Variants in STK4 observed in about 807,000 individuals in gnomAD.
The protein encoded by STK4 is serine/threonine kinase 4.
In STK4, 30 loss-of-function variants were observed where a neutral mutation model predicts 64.9. The ratio of observed to expected loss-of-function variants is 0.46; its 90% confidence interval spans 0.35 to 0.63. STK4 has a LOEUF of 0.63. Among genes scored for constraint, STK4 ranks in the 20% least tolerant of loss-of-function variants. The pLI is 0.01. For missense variants in STK4, 466 were observed against 598.5 expected, an observed-to-expected ratio of 0.78 and a Z score of 2.31; for synonymous variants, 177 against 199.0, an observed-to-expected ratio of 0.89 and a Z score of 0.93.
At chr20:44,987,998 A>G (rs747231319) in intron 5 of STK4, among the ~76,000 whole-genome samples, 1 of 151,564 alleles carries the variant, frequency 6.6e-6, no homozygotes. Flanking sequence ...TTTTATTATA[A>G]GTCTGCCTGG....
intron 10 of STK4, among the ~76,000 whole-genome samples, chr20:45,052,401 A>G (rs1032296911): frequency 4.6e-5 from 7 of 152,162 alleles, no homozygotes; most frequent in South Asian, 2.1e-4. Flanking sequence ...TTCACTTAAC[A>G]TATCTTAAAC....
chr20:45,025,048 T>C lies in STK4; in HGVS notation c.1223T>C (p.Ile408Thr), dbSNP rs980823829. The change falls in exon 10 of 11, where the codon ATC (isoleucine) becomes ACC (threonine). Residue 408 changes from isoleucine (I) to threonine (T), a missense_variant. Transcript: ENST00000372806. ...YFEQKEKENQINSFGKSVPGP... is the reference protein window; with the variant it reads ...YFEQKEKENQTNSFGKSVPGP... Reference sequence around the variant, plus strand: ...GAACAAAAAGAAAAGGAAAACCAGATCAACAGCTTTGGCAAGAGTGTACCT... The same window carrying C: ...GAACAAAAAGAAAAGGAAAACCAGACCAACAGCTTTGGCAAGAGTGTACCT... The C allele has an allele frequency of 1.2e-6, 2 of 1,613,514 alleles. No homozygotes were observed. The highest frequency in any genetic ancestry group is 1.7e-6 in the Non-Finnish European group (2 of 1,179,696).
chr20:44,997,650 T>C (rs1366578272), intron 7 of STK4, among the ~76,000 whole-genome samples: 1 of 152,174 alleles, frequency 6.6e-6, no homozygotes, highest in Non-Finnish European at 1.5e-5. Context: ...TGAGGCATGA[T>C]TGTGCTGCTA....
chr20:44,994,595 C>G (rs1431285075), intron 5 of STK4, among the ~76,000 whole-genome samples: 1 of 151,646 alleles, frequency 6.6e-6, no homozygotes, highest in East Asian at 1.9e-4. Flanking sequence ...CTCCTCATCT[C>G]CCCCATTACA....
rs368394017 is a variant in STK4, at chr20:44,977,617, A to G, written c.117-826A>G. On this transcript the variant is annotated intron_variant, in intron 2 of 10. Coordinates refer to ENST00000372806, the MANE Select transcript of STK4 (RefSeq NM_006282.5). ...AGAAAATTCAGGTACAACAAGGTTA[A>G]TAAGGTGTAAATGATAGCTAAATGT... 2.8e-4 allele frequency among the ~76,000 whole-genome samples: 42 copies of G among 152,326 alleles called. No homozygotes were observed. The East Asian group carries it at 5.4e-3, about 20-fold the overall frequency.
chr20:44,991,939 C>A (rs536468187), intron 5 of STK4, among the ~76,000 whole-genome samples: 1 of 152,102 alleles, frequency 6.6e-6, no homozygotes, highest in African/African-American at 2.4e-5. Flanking sequence ...GCTGGGATTA[C>A]AGGTTTGAGC....
intron 2 of STK4, 136 bp from the exon 3 acceptor site, chr20:44,978,307 A>G (rs1002037631): frequency 1.9e-6 from 2 of 1,036,590 alleles, no homozygotes; most frequent in Non-Finnish European, 2.6e-6. Flanking sequence ...TATTTTAGCT[A>G]TCTTAGTTTT....
chr20:45,044,909 T>A (rs1470584760), intron 10 of STK4, among the ~76,000 whole-genome samples: 1 of 152,050 alleles, frequency 6.6e-6, no homozygotes, highest in Non-Finnish European at 1.5e-5. Context: ...GGAGAAAGGA[T>A]CAAATGAAAT....
At chr20:44,978,386 T>G (rs1364859005) in intron 2 of STK4, 57 bp from the exon 3 acceptor site, 6 of 1,571,588 alleles carry the variant, frequency 3.8e-6, no homozygotes, top group Non-Finnish European at 5.2e-6. Context: ...TTTTACCACT[T>G]CTTATATCTT....
chr20:45,019,675 A>G (rs1040639339), intron 9 of STK4, among the ~76,000 whole-genome samples: 1 of 152,190 alleles, frequency 6.6e-6, no homozygotes, highest in African/African-American at 2.4e-5. Flanking sequence ...TGGTATTTTC[A>G]AGGCTTGATT....
intron 9 of STK4, among the ~76,000 whole-genome samples, chr20:45,004,808 G>T (rs1363104556): frequency 3.8e-4 from 50 of 130,060 alleles, no homozygotes; most frequent in South Asian, 3.6e-3. Context: ...TTGCCCTGTT[G>T]CCCAGGCTGG....
At chr20:45,045,837 C>T (rs938146565) in intron 10 of STK4, among the ~76,000 whole-genome samples, 33 of 151,928 alleles carry the variant, frequency 2.2e-4, no homozygotes, top group Admixed American at 3.9e-4. Context: ...GAAGGAGTCT[C>T]GCTCTGTCGC....
At chr20:45,049,650 C>G (rs116578158) in intron 10 of STK4, among the ~76,000 whole-genome samples, 1 of 152,116 alleles carries the variant, frequency 6.6e-6, no homozygotes, top group Non-Finnish European at 1.5e-5. Flanking sequence ...CATTGCTAAA[C>G]GGATGTTTAA....
At chr20:45,046,307 T>C (rs1286045414) in intron 10 of STK4, among the ~76,000 whole-genome samples, 1 of 151,340 alleles carries the variant, frequency 6.6e-6, no homozygotes, top group Non-Finnish European at 1.5e-5. Context: ...TGGTGGTGCG[T>C]ACCTGTAGTC....
intron 1 of STK4, among the ~76,000 whole-genome samples, chr20:44,971,186 A>C (rs1325323996): frequency 6.6e-6 from 1 of 151,884 alleles, no homozygotes; most frequent in East Asian, 1.9e-4. Context: ...TCAGAGTTTT[A>C]AAAAAATGTT....
At chr20:45,001,484 TG>T in intron 9 of STK4, 131 bp downstream of exon 9, 1 of 1,177,394 alleles carries the variant, frequency 8.5e-7, no homozygotes, top group Non-Finnish European at 1.1e-6. Context: ...GTAGAAAACT[TG>T]GAAGTTTGCG....
At chr20:45,030,761 G>T (rs2068428965) in intron 10 of STK4, among the ~76,000 whole-genome samples, 1 of 152,170 alleles carries the variant, frequency 6.6e-6, no homozygotes, top group Non-Finnish European at 1.5e-5. Context: ...TCTATTAGCA[G>T]ATCACTTTTT....
intron 8 of STK4, 78 bp from the exon 9 acceptor site, chr20:45,001,089 A>G: frequency 7.0e-7 from 1 of 1,435,222 alleles, no homozygotes; most frequent in South Asian, 1.4e-5. Flanking sequence ...TATTTTCACT[A>G]AGACAGGTAG....
At chr20:45,013,952 G>T (rs1415973583) in intron 9 of STK4, among the ~76,000 whole-genome samples, 1 of 151,588 alleles carries the variant, frequency 6.6e-6, no homozygotes. Context: ...TGAAAATGAT[G>T]GAATTTTTTG....
Sources: allele counts gnomAD v4.1 joint callset (sites outside exome capture counted in the v4.1 genomes callset), GRCh38; gene constraint gnomAD v4.1.1; transcripts MANE v1.5; gene names NCBI Gene and HGNC (gene_info 2026-07-23, HGNC 2026-07-21).